PARP16: variants seen among roughly 807,000 people sequenced by gnomAD.
PARP16 encodes the protein poly(ADP-ribose) polymerase family member 16.
Under a neutral mutation model 35.0 loss-of-function variants are expected in PARP16, and 31 were observed. The observed-to-expected ratio is 0.88, with a 90% CI of 0.66 to 1.19. The LOEUF (loss-of-function observed/expected upper bound fraction) is 1.19. Ranked by LOEUF, PARP16 falls within the 50% of genes most tolerant of loss-of-function variation. PARP16 has a pLI of 0.00. For synonymous variants in PARP16, 162 were observed against 169.5 expected (o/e 0.96, Z 0.34); for missense variants, 424 against 411.2 (o/e 1.03, Z -0.27).
downstream of PARP16, among the ~76,000 whole-genome samples, chr15:65,255,397 T>A (rs2089469293): frequency 6.6e-6 from 1 of 152,180 alleles, no homozygotes; most frequent in Non-Finnish European, 1.5e-5. Flanking sequence ...AATATATTCA[T>A]TTTTATATCA....
At chr15:65,277,173 T>C (rs1670873800) in intron 1 of PARP16, among the ~76,000 whole-genome samples, 1 of 152,150 alleles carries the variant, frequency 6.6e-6, no homozygotes, top group Admixed American at 6.5e-5. Context: ...TCATGTGACC[T>C]ATGGTTTTCT....
At chr15:65,242,378 G>A (rs2089103784) in intron 3 of PARP16, among the ~76,000 whole-genome samples, 2 of 141,512 alleles carry the variant, frequency 1.4e-5, no homozygotes, top group Non-Finnish European at 3.1e-5. Flanking sequence ...CATACATTTA[G>A]AATCAGCTTG....
chr15:65,254,117 C>T (rs1276273436), downstream of PARP16, among the ~76,000 whole-genome samples: 3 of 152,200 alleles, frequency 2.0e-5, no homozygotes, highest in East Asian at 5.8e-4. Context: ...CCGCGCCTGG[C>T]CTAATTTCCA....
intron 1 of PARP16, chr15:65,285,423 G>A (rs955459770): frequency 8.0e-6 from 2 of 248,704 alleles, no homozygotes; most frequent in African/African-American, 4.6e-5. Context: ...ACAAGCATGA[G>A]CCACCGAGCC....
intron 3 of PARP16, among the ~76,000 whole-genome samples, chr15:65,242,906 G>T (rs1334736377): frequency 6.6e-6 from 1 of 151,742 alleles, no homozygotes; most frequent in Admixed American, 6.6e-5. Flanking sequence ...GTAGAGACAG[G>T]GTTTCACCAT....
downstream of PARP16, among the ~76,000 whole-genome samples, chr15:65,254,048 C>T (rs78103446): frequency 7.8e-3 from 1,181 of 152,098 alleles, 19 homozygotes; most frequent in African/African-American, 0.027. Context: ...GATCTCCTGA[C>T]GTCAGGTGAT....
chr15:65,233,293 T>G (rs535570984), downstream of PARP16, among the ~76,000 whole-genome samples: 5 of 152,010 alleles, frequency 3.3e-5, 1 homozygote, highest in South Asian at 8.3e-4. Context: ...TCCCAGCTGC[T>G]AGGGAGGCTG....
At chr15:65,237,678 A>G (rs1207616575) in intron 3 of PARP16, among the ~76,000 whole-genome samples, 3 of 152,162 alleles carry the variant, frequency 2.0e-5, no homozygotes, top group Admixed American at 2.0e-4. Flanking sequence ...GAGCCTCCAG[A>G]GGGAGTACAG....
At chr15:65,251,307 G>T (rs914275636) in intron 2 of PARP16, among the ~76,000 whole-genome samples, 5 of 152,122 alleles carry the variant, frequency 3.3e-5, no homozygotes, top group African/African-American at 1.2e-4. Flanking sequence ...AGTTAACAAA[G>T]GATTTACATT....
In PARP16 at chr15:65,239,256, G is replaced by T. The variant is rs183567787; in HGVS notation, c.*98-4433C>A. 1.2e-3 allele frequency among the ~76,000 whole-genome samples: 187 copies of T among 150,614 alleles called. 1 individual carries two copies. The highest frequency in any genetic ancestry group is 4.4e-3 in the African/African-American group (179 of 41,014). On this transcript the variant is annotated intron_variant and NMD_transcript_variant, in intron 3 of 3. Transcript: ENST00000559805. ...TCCTGGCCAACATGGTGAAACTGCG[G>T]TCTCTACTAAAAATACAAAAATTAG...
At chr15:65,280,870 C>A (rs1019082459) in intron 1 of PARP16, among the ~76,000 whole-genome samples, 1 of 152,166 alleles carries the variant, frequency 6.6e-6, no homozygotes, top group Non-Finnish European at 1.5e-5. Flanking sequence ...CAGTTTGGCA[C>A]CCCAAATGAG....
Position 65,278,754 on chromosome 15 carries a change from G to A in PARP16, c.174+7499C>T, listed in dbSNP as rs114161949. Reference sequence around the variant, plus strand: ...AGACAATGTTGTCCTAGAAAGGTGCGGCAGCAGGAAAGAACAAACATCTGA... The same window carrying A: ...AGACAATGTTGTCCTAGAAAGGTGCAGCAGCAGGAAAGAACAAACATCTGA... On this transcript the variant is annotated intron_variant, in intron 1 of 5. Transcript: ENST00000649807. Among the ~76,000 whole-genome samples, 240 of 152,296 alleles carry A rather than the reference G, an allele frequency of 1.6e-3. 1 individual carries two copies. Among genetic ancestry groups the A allele is most frequent in the African/African-American group, 5.2e-3 (218 of 41,558 alleles).
intron 1 of PARP16, among the ~76,000 whole-genome samples, chr15:65,275,086 G>A (rs150991260): frequency 6.6e-6 from 1 of 152,072 alleles, no homozygotes; most frequent in East Asian, 1.9e-4. Context: ...CTGCACTCCA[G>A]CCTGGGTGAC....
chr15:65,271,067 T>C lies in PARP16; in HGVS notation c.180A>G (p.Ala60=). The part of the protein sequence containing the change: ...GDCKDFEALL[A]DASKLPNLKE... ...TCAGGTTAGGTAACTTGCTGGCATCTGCAAGCTGAAGCGACGGAAGAACTT... is the reference window on the plus strand; with the variant it reads ...TCAGGTTAGGTAACTTGCTGGCATCCGCAAGCTGAAGCGACGGAAGAACTT... Residue 60 remains alanine, a synonymous_variant, in exon 2 of 6, where the codon GCA becomes GCG. Coordinates refer to ENST00000649807, the MANE Select transcript of PARP16 (RefSeq NM_001316943.2). 6.2e-7 allele frequency: 1 copy of C among 1,614,058 alleles called. No homozygotes were observed. Among genetic ancestry groups the C allele is most frequent in the Non-Finnish European group, 8.5e-7 (1 of 1,179,978 alleles).
intron 1 of PARP16, chr15:65,285,516 T>C (rs2090563450): frequency 5.0e-6 from 2 of 398,916 alleles, no homozygotes; most frequent in Admixed American, 5.1e-5. Flanking sequence ...ACAGCTTTGC[T>C]GGTAAACAAG....
Position 65,286,341 on chromosome 15 carries a change from G to C in PARP16, c.86C>G (p.Ser29Trp), listed in dbSNP as rs1221581700. 8 of 1,600,166 alleles carry C rather than the reference G, an allele frequency of 5.0e-6. No individual in the cohort carries two copies. The highest frequency in any genetic ancestry group is 6.8e-6 in the Non-Finnish European group (8 of 1,174,776). ...AADLRCSLFA[S>W]ALQSYKRDSV... The stretch of plus-strand genomic sequence containing the variant: ...GTCGCGCTTGTAGCTCTGCAGGGCC[G>C]AGGCGAAGAGGCTGCACCGGAGGTC... Residue 29 changes from serine to tryptophan, a missense_variant, in exon 1 of 6, where the codon TCG becomes TGG. Physicochemically the swap from Ser to Trp is radical, Grantham distance 177. Transcript: ENST00000649807.
At chr15:65,236,730 T>TG (rs2088887189) in intron 3 of PARP16, among the ~76,000 whole-genome samples, 1 of 152,174 alleles carries the variant, frequency 6.6e-6, no homozygotes, top group Non-Finnish European at 1.5e-5. Context: ...CCCAGCACTC[T>TG]GAGAGGCCGA....
downstream of PARP16, among the ~76,000 whole-genome samples, chr15:65,255,396 A>C (rs1277964833): frequency 6.6e-6 from 1 of 152,174 alleles, no homozygotes; most frequent in Admixed American, 6.5e-5. Context: ...AAATATATTC[A>C]TTTTTATATC....
chr15:65,253,398 TCGGCTCA>T (rs1240406921), downstream of PARP16, among the ~76,000 whole-genome samples: 2 of 151,200 alleles, frequency 1.3e-5, no homozygotes. Context: ...TGGCGGGATC[TCGGCTCA>T]CTGCAAGCTC....
Sources: gnomAD v4.1 joint callset for allele counts (sites outside exome capture counted in the v4.1 genomes callset) on GRCh38, gnomAD v4.1.1 for gene constraint, MANE v1.5 for transcripts, NCBI Gene and HGNC (gene_info 2026-07-23, HGNC 2026-07-21) for gene names.